The following RAPGEF1 variants were observed in gnomAD, a reference collection of about 807,000 sequenced individuals.
RAPGEF1 encodes the protein CRK SH3-binding GNRP.
In RAPGEF1, 33 loss-of-function variants were observed where a neutral mutation model predicts 143.3. The ratio of observed to expected loss-of-function variants is 0.23; its 90% confidence interval spans 0.17 to 0.31. The LOEUF (loss-of-function observed/expected upper bound fraction) is 0.31, where lower values mean the gene tolerates loss of function less well. Ranked by LOEUF, RAPGEF1 falls within the 10% of genes least tolerant of loss-of-function variation. The pLI, the probability that RAPGEF1 is intolerant of heterozygous loss-of-function variation, is 1.00. For synonymous variants in RAPGEF1, 629 were observed against 676.5 expected (o/e 0.93, Z 1.09); for missense variants, 1,199 against 1,645.4 (o/e 0.73, Z 4.69).
chr9:131,598,320 G>A lies in RAPGEF1; in HGVS notation c.2502-10C>T. ...TGGTGACTTTGGGGCCCTGCGGGGA[G>A]AAGTGGTTTGTGTTGCAAGTGTCAA... On this transcript the variant is annotated splice_polypyrimidine_tract_variant and intron_variant, in intron 15 of 26. Coordinates refer to ENST00000683357, the MANE Select transcript of RAPGEF1 (RefSeq NM_001377935.1). 2.5e-6 allele frequency: 4 copies of A among 1,611,130 alleles called. No individual in the cohort carries two copies. Among genetic ancestry groups the A allele is most frequent in the Non-Finnish European group, 3.4e-6 (4 of 1,178,026 alleles).
intron 1 of RAPGEF1, among the ~76,000 whole-genome samples, chr9:131,670,140 T>G (rs1831130143): frequency 6.6e-6 from 1 of 152,116 alleles, no homozygotes; most frequent in Admixed American, 6.5e-5. Flanking sequence ...TTTGAATCAG[T>G]TCTGCTTCAC....
intron 12 of RAPGEF1, among the ~76,000 whole-genome samples, chr9:131,616,361 T>C (rs1959010582): frequency 6.6e-6 from 1 of 152,318 alleles, no homozygotes; most frequent in African/African-American, 2.4e-5. Context: ...GCAGGCTTCA[T>C]GCCCGTCTTC....
chr9:131,614,195 G>A (rs146369731), intron 12 of RAPGEF1, among the ~76,000 whole-genome samples: 156 of 152,210 alleles, frequency 1.0e-3, no homozygotes, highest in African/African-American at 3.5e-3. Flanking sequence ...CCCGGCTACC[G>A]GGTTCTGCCC....
intron 16 of RAPGEF1, among the ~76,000 whole-genome samples, chr9:131,597,653 T>A (rs1955533087): frequency 6.6e-6 from 1 of 152,160 alleles, no homozygotes; most frequent in Non-Finnish European, 1.5e-5. Flanking sequence ...TTGGGCCCTT[T>A]TTCACCAACG....
intron 1 of RAPGEF1, among the ~76,000 whole-genome samples, chr9:131,694,925 T>A (rs1834039335): frequency 6.6e-6 from 1 of 150,784 alleles, no homozygotes; most frequent in Admixed American, 6.6e-5. Flanking sequence ...ATTAGGTATA[T>A]CTCCTAATGC....
At chr9:131,590,109 G>A (rs1465624941) in intron 18 of RAPGEF1, 131 bp from the exon 19 acceptor site, 5 of 783,424 alleles carry the variant, frequency 6.4e-6, no homozygotes, top group Non-Finnish European at 1.1e-5. Context: ...CTGGCATCCA[G>A]AAACGAGGGC....
In RAPGEF1 at chr9:131,650,166, G is replaced by T; in HGVS notation, c.278C>A (p.Ser93Tyr). ...AGACCTGGAAGCCACAGCACTGGTG[G>T]ACATAAATTCTACTGCCTGCTGCTC... ...DLEQQAVEFM[S>Y]TSAVASRSQR... The change falls in exon 3 of 27, where the codon TCC becomes TAC. Residue 93 changes from serine to tyrosine, a missense_variant. Physicochemically the swap from Ser to Tyr is moderately radical, Grantham distance 144. Coordinates refer to ENST00000683357, the MANE Select transcript of RAPGEF1 (RefSeq NM_001377935.1). The surrounding 1 kb of genome is among the most constrained non-coding windows in gnomAD (Gnocchi z 4.7). The T allele has an allele frequency of 6.2e-7, 1 of 1,613,910 alleles. No homozygotes were observed. The highest frequency in any genetic ancestry group is 8.5e-7 in the Non-Finnish European group (1 of 1,179,812).
At chr9:131,588,166 C>T (rs1385872780) in intron 20 of RAPGEF1, 140 bp from the exon 21 acceptor site, 2 of 697,494 alleles carry the variant, frequency 2.9e-6, no homozygotes, top group African/African-American at 1.8e-5. Context: ...CGGGGAAGCC[C>T]CAAAAGGCTC....
In RAPGEF1 at chr9:131,577,243, A is replaced by G. The variant is rs945163999; in HGVS notation, c.*2254T>C. Reference sequence around the variant, plus strand: ...GTCCTCACGCAGGGAGCCCCTGGGCACTGCTCATGTGCTGCCTGGGCCCTG... The same window carrying G: ...GTCCTCACGCAGGGAGCCCCTGGGCGCTGCTCATGTGCTGCCTGGGCCCTG... On this transcript the variant is annotated 3_prime_UTR_variant, in exon 27 of 27. Transcript: ENST00000683357. 6 of 152,336 alleles carry G rather than the reference A, an allele frequency of 3.9e-5. No homozygotes were observed. Among genetic ancestry groups the G allele is most frequent in the African/African-American group, 1.4e-4 (6 of 41,482 alleles). 9.4% of individuals were successfully genotyped at this position (152,336 alleles called of 1,614,324 possible). A position where few individuals can be genotyped will look rare whatever the true frequency, so the allele number is the denominator to read the frequency against.
chr9:131,619,302 TCCA>T, intron 11 of RAPGEF1, 96 bp from the exon 12 acceptor site: 1 of 1,074,984 alleles, frequency 9.3e-7, no homozygotes, highest in South Asian at 1.4e-5. Context: ...GAGGTTGCTC[TCCA>T]CATCCTCTAA....
At chr9:131,711,968 A>C (rs1835539223) in intron 1 of RAPGEF1, among the ~76,000 whole-genome samples, 1 of 152,222 alleles carries the variant, frequency 6.6e-6, no homozygotes, top group African/African-American at 2.4e-5. Context: ...TATGCAAAAC[A>C]GACAAAAACC....
In RAPGEF1 at chr9:131,663,280, A is replaced by G. The variant is rs1022025091; in HGVS notation, c.62-12331T>C. Among the ~76,000 whole-genome samples, 23 of 152,294 alleles carry G rather than the reference A, an allele frequency of 1.5e-4. 1 individual carries two copies. Among genetic ancestry groups the G allele is most frequent in the Admixed American group, 1.2e-3 (19 of 15,296 alleles). ...TGCAAATTTATTTTTCATCAAAGCA[A>G]CTGAAAGTTGCACACGTTATAACAC... On this transcript the variant is annotated intron_variant, in intron 1 of 26. Transcript: ENST00000683357.
At chr9:131,636,846 AT>A (rs1169425916) in intron 5 of RAPGEF1, among the ~76,000 whole-genome samples, 1 of 152,176 alleles carries the variant, frequency 6.6e-6, no homozygotes, top group Non-Finnish European at 1.5e-5. Flanking sequence ...GGAAAGGGCC[AT>A]CAGCTCTGAT....
chr9:131,677,046 C>T (rs1832460480), intron 1 of RAPGEF1, among the ~76,000 whole-genome samples: 2 of 152,210 alleles, frequency 1.3e-5, no homozygotes. Context: ...AACCATCCTT[C>T]CTTACGGCCT....
chr9:131,644,427 G>A, intron 3 of RAPGEF1, among the ~76,000 whole-genome samples: 1 of 151,676 alleles, frequency 6.6e-6, no homozygotes. Flanking sequence ...TCTACAGAAT[G>A]GATAAATCCC....
chr9:131,622,476 C>A (rs1161944981), intron 10 of RAPGEF1, among the ~76,000 whole-genome samples: 6 of 152,188 alleles, frequency 3.9e-5, no homozygotes, highest in African/African-American at 1.4e-4. Flanking sequence ...TCAAGGAAGG[C>A]CAGACACTGA....
At chr9:131,661,433 G>T (rs762325005) in intron 1 of RAPGEF1, among the ~76,000 whole-genome samples, 4 of 152,178 alleles carry the variant, frequency 2.6e-5, no homozygotes, top group Non-Finnish European at 4.4e-5. Context: ...GGAGTGGGGG[G>T]TGGTTAACTG....
Position 131,709,778 on chromosome 9 carries a change from T to C in RAPGEF1, c.61+29992A>G, listed in dbSNP as rs1835376531. The C allele has an allele frequency of 2.5e-6, 4 of 1,582,136 alleles. No individual in the cohort carries two copies. The East Asian group carries it at 6.8e-5, about 27-fold the overall frequency. ...TCACTGGCTGAAAGGGGATATCTCT[T>C]GGACATCCCAAACCACCCAGCGGCA... On this transcript the variant is annotated intron_variant, in intron 1 of 26. Transcript: ENST00000683357.
intron 12 of RAPGEF1, among the ~76,000 whole-genome samples, chr9:131,608,590 G>GGGCCT (rs762237823): frequency 2.0e-5 from 3 of 152,216 alleles, no homozygotes; most frequent in Non-Finnish European, 2.9e-5. Flanking sequence ...TTGGACAAAG[G>GGGCCT]GGCCTGGCCT....
Sources: gnomAD v4.1 joint callset for allele counts (sites outside exome capture counted in the v4.1 genomes callset) on GRCh38, gnomAD v4.1.1 for gene constraint, Gnocchi (gnomAD v3.1) non-coding constraint, MANE v1.5 for transcripts, NCBI Gene and HGNC (gene_info 2026-07-23, HGNC 2026-07-21) for gene names.